COL7A1: variants seen among roughly 807,000 people sequenced by gnomAD.
The protein encoded by COL7A1 is collagen alpha-1(VII) chain.
In COL7A1, 296 loss-of-function variants were observed where a neutral mutation model predicts 456.2. That is an observed-to-expected ratio of 0.65 (90% CI 0.59 to 0.71). The LOEUF (loss-of-function observed/expected upper bound fraction) is 0.71. Among genes scored for constraint, COL7A1 ranks in the 30% least tolerant of loss-of-function variants. The pLI, the probability that COL7A1 is intolerant of heterozygous loss-of-function variation, is 0.00. For synonymous variants in COL7A1, 1,464 were observed against 1,525.9 expected, an observed-to-expected ratio of 0.96 and a Z score of 0.95; for missense variants, 3,441 against 4,017.2, an observed-to-expected ratio of 0.86 and a Z score of 3.88.
intron 44 of COL7A1, 98 bp from the exon 45 acceptor site, chr3:48,582,751 G>C: frequency 5.9e-6 from 8 of 1,352,760 alleles, no homozygotes; most frequent in Non-Finnish European, 6.3e-6. Context: ...GAGGGGTCAG[G>C]GAAGATTGGG....
chr3:48,595,273 C>G lies in COL7A1; in HGVS notation c.-7G>C. 1 of 839,600 alleles carries G rather than the reference C, an allele frequency of 1.2e-6. No homozygotes were observed. Among genetic ancestry groups the G allele is most frequent in the Non-Finnish European group, 2.0e-6 (1 of 512,566 alleles). 52.0% of individuals were successfully genotyped at this position (839,600 alleles called of 1,614,324 possible). On this transcript the variant is annotated 5_prime_UTR_variant, in exon 1 of 119. Transcript: ENST00000681320. ...AGCCCGAGTCCTGGTCTTGCCTGCG[C>G]GTCCGCCCGCTCCCGCCGCCGCCGC...
Position 48,564,462 on chromosome 3 carries a change from C to G in COL7A1, c.8819-40G>C, listed in dbSNP as rs529904779. Reference sequence around the variant, plus strand: ...TTGGAAACGGTCGTCAGCCATCTGACCTTCCCCGGAGACGCTCAGGCAGAG... The same window carrying G: ...TTGGAAACGGTCGTCAGCCATCTGAGCTTCCCCGGAGACGCTCAGGCAGAG... On this transcript the variant is annotated intron_variant, in intron 118 of 118. Coordinates refer to ENST00000681320, the MANE Select transcript of COL7A1 (RefSeq NM_000094.4). This position sits in a 1 kb window ranked among gnomAD's most constrained non-coding sequence, Gnocchi z 6.0. 14 of 1,613,050 alleles carry G rather than the reference C, an allele frequency of 8.7e-6. No individual in the cohort carries two copies. In the African/African-American group the frequency reaches 1.6e-4, roughly 18 times the overall value.
rs2107749469 is a variant in COL7A1 at position 48,586,491 on chromosome 3, A to G, written c.3404-13T>C. On this transcript the variant is annotated splice_polypyrimidine_tract_variant and intron_variant, in intron 26 of 118. Transcript: ENST00000681320. This position sits in a 1 kb window ranked among gnomAD's most constrained non-coding sequence, Gnocchi z 5.1. ...ACCACGGCTGTGCCTGGAAGGAAGG[A>G]CATGTCAGAACCCTGGGGCACCAAG... The G allele has an allele frequency of 1.2e-6, 2 of 1,613,754 alleles. No homozygotes were observed. Among genetic ancestry groups the G allele is most frequent in the South Asian group, 1.1e-5 (1 of 91,082 alleles).
In COL7A1 at chr3:48,582,958, C is replaced by T. The variant is rs983303112; in HGVS notation, c.4518+55G>A. The T allele has an allele frequency of 1.1e-5, 17 of 1,613,586 alleles. No homozygotes were observed. In the South Asian group the frequency reaches 1.4e-4, roughly 14 times the overall value. The stretch of plus-strand genomic sequence containing the variant: ...AGGGGTCAAGGGCAAGAAGTCAGAA[C>T]CAGAAAGGGCACAGCCAGGTCAGCT... On this transcript the variant is annotated intron_variant, in intron 44 of 118. Transcript: ENST00000681320.
chr3:48,590,876 T>C lies in COL7A1; in HGVS notation c.1637-60A>G. On this transcript the variant is annotated intron_variant, in intron 13 of 118. Transcript: ENST00000681320. This position sits in a 1 kb window ranked among gnomAD's most constrained non-coding sequence, Gnocchi z 4.6. ...AGAAAGAGACAGGGATGTGGGACGA[T>C]GGCAGTGATGGACAGGGACGCAGAG... The C allele has an allele frequency of 1.4e-6, 2 of 1,411,208 alleles. No homozygotes were observed. Among genetic ancestry groups the C allele is most frequent in the Non-Finnish European group, 1.9e-6 (2 of 1,054,694 alleles). The allele number at this position is 1,411,208 out of a possible 1,614,324, so 87.4% of individuals were successfully genotyped here. A position where few individuals can be genotyped will look rare whatever the true frequency, so the allele number is the denominator to read the frequency against.
At position 48,569,312 on chromosome 3, in the gene COL7A1, G is replaced by A. The variant is rs1249097924; in HGVS notation, c.7686+63C>T. On this transcript the variant is annotated intron_variant, in intron 103 of 118. Transcript: ENST00000681320. This position sits in a 1 kb window ranked among gnomAD's most constrained non-coding sequence, Gnocchi z 4.9. ...CCTGTCCTCCCCTCCTGCCCTCACA[G>A]ATGCTGTGGAACCACCACAGCCACA... 14 of 1,588,294 alleles carry A rather than the reference G, an allele frequency of 8.8e-6. No homozygotes were observed. In the Admixed American group the frequency reaches 2.2e-4, roughly 25 times the overall value.
chr3:48,576,450 G>T lies in COL7A1; in HGVS notation c.5737-15C>A, dbSNP rs371977017. 3.8e-5 allele frequency: 61 copies of T among 1,613,460 alleles called. No homozygotes were observed. The African/African-American group carries it at 5.6e-4, about 15-fold the overall frequency. On this transcript the variant is annotated splice_polypyrimidine_tract_variant and intron_variant, in intron 69 of 118. Transcript: ENST00000681320. ...CCACGGTCACCCTGAAAACAAGAAT[G>T]ACCAGGTGGGGAAATGGCCCCCAGC...
At chr3:48,595,218 C>T in intron 1 of COL7A1, 50 bp downstream of exon 1, 1 of 1,444,644 alleles carries the variant, frequency 6.9e-7, no homozygotes, top group Non-Finnish European at 9.5e-7. Flanking sequence ...TCCCCCGTGG[C>T]CTTGGCAGGT....
Position 48,572,715 on chromosome 3 carries a change from C to G in COL7A1, c.6856G>C (p.Val2286Leu). The stretch of plus-strand genomic sequence containing the variant: ...GGGCCAGGTTCTCCTTTAGGTCCGA[C>G]AGGGCCAGGCAGACCTGGTGACCCC... ...VPGSPGLPGP[V>L]GPKGEPGPTG... Residue 2286 changes from valine to leucine, a missense_variant, in exon 88 of 119, where the codon GTC becomes CTC. Physicochemically the swap from Val to Leu is conservative, Grantham distance 32. Around this residue, in one of 3 missense-constraint regions of COL7A1, gnomAD observed 2,084 missense variants for 2,501.3 expected, o/e 0.83. Transcript: ENST00000681320. The surrounding 1 kb of genome is among the most constrained non-coding windows in gnomAD (Gnocchi z 4.6). 6.2e-7 allele frequency: 1 copy of G among 1,609,110 alleles called. No homozygotes were observed. The highest frequency in any genetic ancestry group is 8.5e-7 in the Non-Finnish European group (1 of 1,177,722).
Position 48,594,652 on chromosome 3 carries a change from C to T in COL7A1, c.86-104G>A, listed in dbSNP as rs2045947849. ...TTGGGATGGTGGGGAGAGTAGGCCT[C>T]ATCTTATGCAAACCAGGGCCGAATC... is the stretch of plus-strand genomic sequence containing the variant. On this transcript the variant is annotated intron_variant, in intron 2 of 118. Transcript: ENST00000681320. This position sits in a 1 kb window ranked among gnomAD's most constrained non-coding sequence, Gnocchi z 5.5. 11 of 1,360,296 alleles carry T rather than the reference C, an allele frequency of 8.1e-6. No individual in the cohort carries two copies. Among genetic ancestry groups the T allele is most frequent in the Non-Finnish European group, 6.0e-6 (6 of 995,620 alleles). The allele number at this position is 1,360,296 out of a possible 1,614,324, so 84.3% of individuals were successfully genotyped here. A position where few individuals can be genotyped will look rare whatever the true frequency, so the allele number is the denominator to read the frequency against.
Position 48,589,473 on chromosome 3 carries a change from G to A in COL7A1, c.2171-3C>T, listed in dbSNP as rs753398970. 4 of 1,613,554 alleles carry A rather than the reference G, an allele frequency of 2.5e-6. No homozygotes were observed. The South Asian group carries it at 3.3e-5, about 13-fold the overall frequency. On this transcript the variant is annotated splice_region_variant and splice_polypyrimidine_tract_variant and intron_variant, in intron 17 of 118. Transcript: ENST00000681320. Reference sequence around the variant, plus strand: ...AACCAACTGGGATTTCTCTGGGCCTGGGAACAGGGATGGAGGCAGCTCCAG... The same window carrying A: ...AACCAACTGGGATTTCTCTGGGCCTAGGAACAGGGATGGAGGCAGCTCCAG...
chr3:48,565,781 G>A lies in COL7A1; in HGVS notation c.8408-113C>T, dbSNP rs2043581014. The A allele has an allele frequency of 9.7e-7, 1 of 1,026,228 alleles. No individual in the cohort carries two copies. The highest frequency in any genetic ancestry group is 1.8e-5 in the African/African-American group (1 of 56,078). The allele number at this position is 1,026,228 out of a possible 1,614,324, so 63.6% of individuals were successfully genotyped here. A position where few individuals can be genotyped will look rare whatever the true frequency, so the allele number is the denominator to read the frequency against. ...GTAGAGATACACAAAGAGATAGCAG[G>A]AGAGGGTAACAGGAGAGAGAGGAAG... is the stretch of plus-strand genomic sequence containing the variant. On this transcript the variant is annotated intron_variant, in intron 114 of 118. Transcript: ENST00000681320. The surrounding 1 kb of genome is among the most constrained non-coding windows in gnomAD (Gnocchi z 4.5).
At position 48,571,454 on chromosome 3, in the gene COL7A1, A is replaced by G. The variant is rs1005033482; in HGVS notation, c.7069-176T>C. On this transcript the variant is annotated intron_variant, in intron 92 of 118. Coordinates refer to ENST00000681320, the MANE Select transcript of COL7A1 (RefSeq NM_000094.4). This position sits in a 1 kb window ranked among gnomAD's most constrained non-coding sequence, Gnocchi z 4.6. Reference sequence around the variant, plus strand: ...AGACATGACCATGGCCTATCTCAGGACAGCACAGACAGAGGGACGCTCAGA... The same window carrying G: ...AGACATGACCATGGCCTATCTCAGGGCAGCACAGACAGAGGGACGCTCAGA... 2 of 779,896 alleles carry G rather than the reference A, an allele frequency of 2.6e-6. No homozygotes were observed. Among genetic ancestry groups the G allele is most frequent in the Non-Finnish European group, 4.5e-6 (2 of 443,238 alleles). The allele number at this position is 779,896 out of a possible 1,614,324, so 48.3% of individuals were successfully genotyped here. A position where few individuals can be genotyped will look rare whatever the true frequency, so the allele number is the denominator to read the frequency against.
At position 48,585,631 on chromosome 3, in the gene COL7A1, T is replaced by G. The variant is rs530519777; in HGVS notation, c.3832-12A>C. 1.2e-6 allele frequency: 2 copies of G among 1,613,942 alleles called. No individual in the cohort carries two copies. Among genetic ancestry groups the G allele is most frequent in the Non-Finnish European group, 1.7e-6 (2 of 1,179,994 alleles). On this transcript the variant is annotated splice_polypyrimidine_tract_variant and intron_variant, in intron 31 of 118. Transcript: ENST00000681320. This position sits in a 1 kb window ranked among gnomAD's most constrained non-coding sequence, Gnocchi z 4.5. ...GCACCGGTCCTGCCCTGAAAGAAGATAGCAGTTAGGTGGGGATAAGCCAGT... is the reference window on the plus strand; with the variant it reads ...GCACCGGTCCTGCCCTGAAAGAAGAGAGCAGTTAGGTGGGGATAAGCCAGT...
rs747932927 is a variant in COL7A1, at chr3:48,569,963, G to C, written c.7486-48C>G. On this transcript the variant is annotated intron_variant, in intron 99 of 118. Coordinates refer to ENST00000681320, the MANE Select transcript of COL7A1 (RefSeq NM_000094.4). This position sits in a 1 kb window ranked among gnomAD's most constrained non-coding sequence, Gnocchi z 4.9. ...GAGCTACAGGAACCAGGGCAGTGGA[G>C]GACGGAGGAGGATCAGGGGGAGGAG... 8 of 1,612,278 alleles carry C rather than the reference G, an allele frequency of 5.0e-6. No individual in the cohort carries two copies. Among genetic ancestry groups the C allele is most frequent in the Non-Finnish European group, 5.1e-6 (6 of 1,178,782 alleles).
In COL7A1 at chr3:48,570,255, G is replaced by A. The variant is rs1450376029; in HGVS notation, c.7440+20C>T. On this transcript the variant is annotated intron_variant, in intron 98 of 118. Coordinates refer to ENST00000681320, the MANE Select transcript of COL7A1 (RefSeq NM_000094.4). This position sits in a 1 kb window ranked among gnomAD's most constrained non-coding sequence, Gnocchi z 5.5. The stretch of plus-strand genomic sequence containing the variant: ...GAGCTGGGATGAAGGGAGTTCGGCT[G>A]TGGAGTAAGACATACGTACCCGGAT... 4.3e-6 allele frequency: 7 copies of A among 1,614,026 alleles called. No homozygotes were observed. The Admixed American group carries it at 8.3e-5, about 19-fold the overall frequency.
chr3:48,595,034 G>A (rs774158191), intron 2 of COL7A1, 41 bp downstream of exon 2: 3 of 1,475,944 alleles, frequency 2.0e-6, no homozygotes, highest in South Asian at 2.4e-5. Context: ...AGGGTGGCAC[G>A]GTGCAGTGCC....
chr3:48,586,672 G>C lies in COL7A1; in HGVS notation c.3294C>G (p.Tyr1098Ter), dbSNP rs1241474192. The change falls in exon 26 of 119, where the codon TAC becomes TAG. Residue 1098 changes from tyrosine to a stop codon, truncating the protein, a stop_gained. Transcript: ENST00000681320. LOFTEE classifies it high-confidence loss of function. The surrounding 1 kb of genome is among the most constrained non-coding windows in gnomAD (Gnocchi z 5.1). ...PQAVQVGLLS[Y>*]SHRPSPLFPL... ...GGAACAGTGGGGAGGGCCGATGACT[G>C]TAAGACAGCAGGCCAACCTGGGGTG... 1 of 1,600,204 alleles carries C rather than the reference G, an allele frequency of 6.2e-7. No homozygotes were observed. Among genetic ancestry groups the C allele is most frequent in the Non-Finnish European group, 8.5e-7 (1 of 1,173,166 alleles).
chr3:48,566,583 C>G lies in COL7A1; in HGVS notation c.8305-20G>C, dbSNP rs17256786. The G allele has an allele frequency of 0.065, 104,554 of 1,614,112 alleles. 3,697 individuals carry two copies. The highest frequency in any genetic ancestry group is 0.075 in the Non-Finnish European group (88,046 of 1,179,966). On this transcript the variant is annotated intron_variant, in intron 112 of 118. Coordinates refer to ENST00000681320, the MANE Select transcript of COL7A1 (RefSeq NM_000094.4). The surrounding 1 kb of genome is among the most constrained non-coding windows in gnomAD (Gnocchi z 5.9). ...CCGCCCCTATGTGCAACAGATGGGA[C>G]CAGGCTGTGACCTCTGACCTCAGGG...
Sources: allele counts gnomAD v4.1 joint callset, GRCh38; gene constraint gnomAD v4.1.1; regional missense constraint gnomAD v4.1.1; non-coding constraint Gnocchi (gnomAD v3.1); transcripts MANE v1.5; gene names NCBI Gene and HGNC (gene_info 2026-07-23, HGNC 2026-07-21).